Variants in APIP observed in about 807,000 individuals in gnomAD.
APIP encodes APAF1 interacting protein, also known as methylthioribulose-1-phosphate dehydratase.
A neutral mutation model predicts 32.0 loss-of-function variants in APIP; 32 were observed. The ratio of observed to expected loss-of-function variants is 1.00; its 90% confidence interval spans 0.76 to 1.34. The LOEUF is 1.34. Among genes scored for constraint, APIP ranks in the 40% most tolerant of loss-of-function variants. APIP has a pLI of 0.00. For synonymous variants in APIP, 92 were observed against 94.8 expected, an observed-to-expected ratio of 0.97 and a Z score of 0.17; for missense variants, 247 against 298.6, an observed-to-expected ratio of 0.83 and a Z score of 1.27.
intron 5 of APIP, among the ~76,000 whole-genome samples, 190 bp downstream of exon 5, chr11:34,888,103 G>C (rs2956096): frequency 0.6 from 91,206 of 151,768 alleles, 28,437 homozygotes; most frequent in East Asian, 0.74. Context: ...GCTGGGGTAG[G>C]GGCGGGAGAG....
intron 2 of APIP, among the ~76,000 whole-genome samples, chr11:34,892,836 T>C (rs1479339515): frequency 1.4e-4 from 21 of 152,164 alleles, no homozygotes; most frequent in Admixed American, 1.4e-3. Flanking sequence ...TTATTTGCCC[T>C]AAGCATCAAA....
chr11:34,886,012 T>C (rs763771722), intron 5 of APIP, among the ~76,000 whole-genome samples: 3 of 152,216 alleles, frequency 2.0e-5, no homozygotes, highest in Non-Finnish European at 4.4e-5. Context: ...ATAATGACTA[T>C]GTTAGTAGTT....
chr11:34,912,885 C>CT (rs1377321065), intron 1 of APIP, among the ~76,000 whole-genome samples: 1 of 152,316 alleles, frequency 6.6e-6, no homozygotes, highest in African/African-American at 2.4e-5. Flanking sequence ...GCTAAATACA[C>CT]TCAGTGTATA....
intron 1 of APIP, among the ~76,000 whole-genome samples, chr11:34,903,597 A>G (rs1229522122): frequency 6.6e-6 from 1 of 152,256 alleles, no homozygotes; most frequent in East Asian, 1.9e-4. Context: ...AATAAATAGC[A>G]GTGATGCATT....
At chr11:34,895,352 A>G (rs1853251934) in intron 1 of APIP, among the ~76,000 whole-genome samples, 2 of 152,252 alleles carry the variant, frequency 1.3e-5, no homozygotes, top group African/African-American at 4.8e-5. Flanking sequence ...ACACTAAGGA[A>G]CAGGCTGCAA....
intron 5 of APIP, among the ~76,000 whole-genome samples, chr11:34,885,209 T>C (rs963897431): frequency 2.4e-4 from 36 of 148,282 alleles, no homozygotes; most frequent in Non-Finnish European, 4.0e-4. Flanking sequence ...TAACTATATA[T>C]GTATATTATA....
intron 1 of APIP, among the ~76,000 whole-genome samples, chr11:34,901,278 G>A (rs531051821): frequency 8.5e-5 from 13 of 152,208 alleles, no homozygotes; most frequent in African/African-American, 3.1e-4. Flanking sequence ...GCAAGACAAA[G>A]CCACCTCGAC....
intron 1 of APIP, among the ~76,000 whole-genome samples, chr11:34,905,872 T>C (rs1028442085): frequency 9.9e-5 from 15 of 152,232 alleles, no homozygotes; most frequent in African/African-American, 2.6e-4. Context: ...GGCTTACAGA[T>C]CTGTGGGCAA....
intron 1 of APIP, 170 bp downstream of exon 1, chr11:34,916,058 T>G: frequency 1.1e-6 from 1 of 872,162 alleles, no homozygotes; most frequent in Non-Finnish European, 1.7e-6. Flanking sequence ...CCTCGCAGCC[T>G]TGCTTCCGAA....
At chr11:34,888,682 T>C in intron 4 of APIP, 70 bp downstream of exon 4, 1 of 1,269,230 alleles carries the variant, frequency 7.9e-7, no homozygotes, top group Non-Finnish European at 1.1e-6. Context: ...TTAACTGAAA[T>C]AATAATTACC....
chr11:34,906,225 G>A (rs886404585), intron 1 of APIP, among the ~76,000 whole-genome samples: 7 of 152,008 alleles, frequency 4.6e-5, no homozygotes, highest in Non-Finnish European at 8.8e-5. Flanking sequence ...AAGGGAACTT[G>A]TACTATAGTA....
chr11:34,888,271 A>C, intron 5 of APIP, 22 bp downstream of exon 5: 2 of 1,491,234 alleles, frequency 1.3e-6, no homozygotes, highest in Non-Finnish European at 1.8e-6. Context: ...CAAATTATTT[A>C]AGAAAAAGGA....
intron 1 of APIP, among the ~76,000 whole-genome samples, chr11:34,903,081 C>A (rs546354490): frequency 2.0e-5 from 3 of 152,378 alleles, no homozygotes; most frequent in Middle Eastern, 3.4e-3. Context: ...TAACAGCCGA[C>A]TCCTTACATA....
Position 34,883,482 on chromosome 11 carries a change from G to A in APIP, c.484C>T (p.Pro162Ser). Residue 162 changes from proline (P) to serine (S), a missense_variant, in exon 6 of 7, where the codon CCC becomes TCC. Transcript: ENST00000395787. ...YYRYDDMLVV[P>S]IIENTPEEKD... ...TCCTCAGGTGTATTCTCAATAATGGGTACCACTAACATATCATCATATCTG... is the reference window on the plus strand; with the variant it reads ...TCCTCAGGTGTATTCTCAATAATGGATACCACTAACATATCATCATATCTG... The A allele has an allele frequency of 1.2e-6, 2 of 1,613,106 alleles. No homozygotes were observed. The highest frequency in any genetic ancestry group is 1.7e-6 in the Non-Finnish European group (2 of 1,179,704).
intron 5 of APIP, among the ~76,000 whole-genome samples, chr11:34,884,003 A>ATTTGTG (rs1853016059): frequency 2.0e-5 from 3 of 152,230 alleles, no homozygotes; most frequent in African/African-American, 7.2e-5. Context: ...GCACTAGGAC[A>ATTTGTG]GCAAGAATGT....
At chr11:34,891,688 T>C (rs1853189526) in intron 2 of APIP, among the ~76,000 whole-genome samples, 1 of 152,174 alleles carries the variant, frequency 6.6e-6, no homozygotes, top group Admixed American at 6.5e-5. Flanking sequence ...ATAATGTGAG[T>C]GGAAATCCAA....
At chr11:34,884,414 A>G (rs1447644379) in intron 5 of APIP, among the ~76,000 whole-genome samples, 1 of 152,240 alleles carries the variant, frequency 6.6e-6, no homozygotes, top group Non-Finnish European at 1.5e-5. Flanking sequence ...TAAGTAAAAC[A>G]GAGGTAATTA....
rs922583021 is a variant in APIP, at chr11:34,888,802, A to G, written c.275T>C (p.Leu92Pro). 1 of 1,520,684 alleles carries G rather than the reference A, an allele frequency of 6.6e-7. No individual in the cohort carries two copies. Among genetic ancestry groups the G allele is most frequent in the Admixed American group, 2.7e-5 (1 of 37,530 alleles). 94.2% of individuals were successfully genotyped at this position (1,520,684 alleles called of 1,614,324 possible). ...DISGPSPSKK[L>P]KKSQCTPLFM... is the part of the protein sequence containing the mutation. Reference sequence around the variant, plus strand: ...AAGAGGAGTACACTGGCTTTTTTTTAGCTTCTTCGATGGCGAAGGTCCACT... The same window carrying G: ...AAGAGGAGTACACTGGCTTTTTTTTGGCTTCTTCGATGGCGAAGGTCCACT... Residue 92 changes from leucine (L) to proline (P), a missense_variant, in exon 4 of 7, where the codon CTA (leucine) becomes CCA (proline). Leu to Pro is a moderately conservative substitution (Grantham distance 98). Coordinates refer to ENST00000395787, the MANE Select transcript of APIP (RefSeq NM_015957.4).
At chr11:34,909,468 T>C (rs533024154) in intron 1 of APIP, among the ~76,000 whole-genome samples, 1 of 152,232 alleles carries the variant, frequency 6.6e-6, no homozygotes, top group Non-Finnish European at 1.5e-5. Context: ...AAGGAAGGCC[T>C]CTCTGAGCAG....
Sources: gnomAD v4.1 joint callset for allele counts (sites outside exome capture counted in the v4.1 genomes callset) on GRCh38, gnomAD v4.1.1 for gene constraint, MANE v1.5 for transcripts, NCBI Gene and HGNC (gene_info 2026-07-23, HGNC 2026-07-21) for gene names.